RPF2: variants seen among roughly 807,000 people sequenced by gnomAD.
The protein encoded by RPF2 is ribosome production factor 2 homolog, also known as brix domain containing 1.
Under a neutral mutation model 38.9 loss-of-function variants are expected in RPF2, and 21 were observed. That is an observed-to-expected ratio of 0.54 (90% confidence interval 0.38 to 0.78). The LOEUF is 0.78. RPF2 is among the 30% of genes least tolerant of loss of function. RPF2 has a pLI of 0.00. For missense variants in RPF2, 314 were observed against 358.1 expected (o/e 0.88, Z 0.99); for synonymous variants, 121 against 126.2 (o/e 0.96, Z 0.28).
intron 3 of RPF2, among the ~76,000 whole-genome samples, chr6:110,990,570 C>CG (rs1771602593): frequency 7.1e-6 from 1 of 140,490 alleles, no homozygotes; most frequent in East Asian, 2.2e-4. Flanking sequence ...CCCCCCCCCC[C>CG]CCCACCTTTT....
At chr6:110,984,429 G>A (rs2114285144) in intron 1 of RPF2, among the ~76,000 whole-genome samples, 1 of 152,054 alleles carries the variant, frequency 6.6e-6, no homozygotes, top group South Asian at 2.1e-4. Flanking sequence ...AAAAAAGATT[G>A]GAAAGAGCAG....
chr6:110,997,267 A>G lies in RPF2; in HGVS notation c.316+3A>G. On this transcript the variant is annotated splice_donor_region_variant and intron_variant, in intron 5 of 9. Transcript: ENST00000441448. ...GCGGCCAAATAATCTAGTAATAGGTAAGTATAATTTACTTTTTAATGTTTT... is the reference window on the plus strand; with the variant it reads ...GCGGCCAAATAATCTAGTAATAGGTGAGTATAATTTACTTTTTAATGTTTT... The G allele has an allele frequency of 9.1e-6, 14 of 1,537,382 alleles. No homozygotes were observed. Among genetic ancestry groups the G allele is most frequent in the Middle Eastern group, 2.0e-4 (1 of 4,932 alleles).
intron 3 of RPF2, among the ~76,000 whole-genome samples, chr6:110,990,379 T>A (rs1041084983): frequency 1.3e-5 from 2 of 152,216 alleles, no homozygotes; most frequent in Admixed American, 6.5e-5. Context: ...GACAAGTACT[T>A]GTCAGTTATT....
At chr6:111,015,712 G>GT (rs759412599) in intron 7 of RPF2, 42 bp from the exon 8 acceptor site, 1 of 1,349,560 alleles carries the variant, frequency 7.4e-7, no homozygotes, top group Non-Finnish European at 1.1e-6. Flanking sequence ...AATTTTGCAA[G>GT]TATTTGTTTT....
At chr6:110,997,886 T>C (rs929541569) in intron 5 of RPF2, among the ~76,000 whole-genome samples, 1 of 150,742 alleles carries the variant, frequency 6.6e-6, no homozygotes, top group African/African-American at 2.4e-5. Flanking sequence ...TCTCCCTTGA[T>C]TTTTCTTTTC....
At chr6:110,993,300 G>GT (rs60974912) in intron 4 of RPF2, among the ~76,000 whole-genome samples, 115 of 150,936 alleles carry the variant, frequency 7.6e-4, no homozygotes, top group Non-Finnish European at 1.0e-3. Context: ...CCTTTTTAAT[G>GT]TTTTTTTTTC....
chr6:110,996,362 A>G (rs932892532), intron 4 of RPF2, among the ~76,000 whole-genome samples: 7 of 151,962 alleles, frequency 4.6e-5, no homozygotes, highest in African/African-American at 1.7e-4. Context: ...TATTTTTAGT[A>G]GAGACAGGGT....
chr6:111,017,739 G>A (rs1413998127), intron 8 of RPF2, among the ~76,000 whole-genome samples: 10 of 149,748 alleles, frequency 6.7e-5, no homozygotes, highest in South Asian at 2.1e-4. Flanking sequence ...CTGGGCAGCC[G>A]GGCAGAGGGG....
chr6:110,995,673 C>A (rs370601477), intron 4 of RPF2, among the ~76,000 whole-genome samples: 8 of 152,218 alleles, frequency 5.3e-5, no homozygotes, highest in African/African-American at 1.9e-4. Context: ...TAAACTGAAT[C>A]AAAGCATGCG....
At chr6:111,018,537 ATGAC>A (rs1772172503) in intron 8 of RPF2, among the ~76,000 whole-genome samples, 1 of 152,250 alleles carries the variant, frequency 6.6e-6, no homozygotes, top group Non-Finnish European at 1.5e-5. Flanking sequence ...ATGAAAATAC[ATGAC>A]TGACCAGCTT....
At position 110,997,354 on chromosome 6, in the gene RPF2, T is replaced by C. The variant is rs935663742; in HGVS notation, c.316+90T>C. The C allele has an allele frequency of 9.5e-6, 7 of 740,118 alleles. No homozygotes were observed. The African/African-American group carries it at 1.1e-4, about 11-fold the overall frequency. The allele number at this position is 740,118 out of a possible 1,614,324, so 45.8% of individuals were successfully genotyped here. ...ATACGGGTCTGCAGCAACTTGGTTC[T>C]TGCCTCTTCAGAGGAAATAATTCAT... On this transcript the variant is annotated intron_variant, in intron 5 of 9. Coordinates refer to ENST00000441448, the MANE Select transcript of RPF2 (RefSeq NM_032194.3).
chr6:111,015,062 G>A (rs970451514), intron 7 of RPF2, among the ~76,000 whole-genome samples: 2 of 152,206 alleles, frequency 1.3e-5, no homozygotes, highest in African/African-American at 4.8e-5. Context: ...ACAGGCATGA[G>A]CCACTGTGCA....
At chr6:111,023,427 C>T (rs1033832385) in intron 8 of RPF2, among the ~76,000 whole-genome samples, 17 of 152,108 alleles carry the variant, frequency 1.1e-4, no homozygotes, top group Admixed American at 1.1e-3. Flanking sequence ...ACTTGTTAAT[C>T]GTATAAACAT....
At chr6:111,001,764 G>A (rs1340658262) in intron 6 of RPF2, among the ~76,000 whole-genome samples, 1 of 152,136 alleles carries the variant, frequency 6.6e-6, no homozygotes, top group Non-Finnish European at 1.5e-5. Context: ...TTAGTGGGAG[G>A]GAGCACTGGC....
intron 8 of RPF2, among the ~76,000 whole-genome samples, chr6:111,017,613 C>T (rs1258107502): frequency 8.9e-5 from 13 of 146,712 alleles, no homozygotes; most frequent in Non-Finnish European, 1.5e-4. Flanking sequence ...ACATCCCAGA[C>T]GGGGCGGCAG....
Position 111,020,208 on chromosome 6 carries a change from G to A in RPF2, c.597-3975G>A, listed in dbSNP as rs182154221. On this transcript the variant is annotated intron_variant, in intron 8 of 9. Coordinates refer to ENST00000441448, the MANE Select transcript of RPF2 (RefSeq NM_032194.3). ...GCTGAGATTACAGGCATGAGCCACC[G>A]CGCCTGACCTGGAACACTTCTTTTT... is the stretch of plus-strand genomic sequence containing the variant. 4.6e-5 allele frequency among the ~76,000 whole-genome samples: 7 copies of A among 151,756 alleles called. No individual in the cohort carries two copies. The South Asian group carries it at 1.0e-3, about 23-fold the overall frequency.
At chr6:111,001,431 G>T (rs930617969) in intron 6 of RPF2, among the ~76,000 whole-genome samples, 5 of 151,788 alleles carry the variant, frequency 3.3e-5, no homozygotes, top group Non-Finnish European at 7.4e-5. Flanking sequence ...AGGCTGGGGC[G>T]CAGTGGCGCG....
chr6:111,008,921 A>C (rs1249708499), intron 7 of RPF2, among the ~76,000 whole-genome samples: 6 of 89,406 alleles, frequency 6.7e-5, no homozygotes, highest in Non-Finnish European at 1.3e-4. Context: ...TTTTTTAAAG[A>C]TAGAGTCTTG....
At chr6:110,984,895 T>C (rs1198357074) in intron 1 of RPF2, 111 bp from the exon 2 acceptor site, 2 of 1,174,070 alleles carry the variant, frequency 1.7e-6, no homozygotes, top group African/African-American at 3.1e-5. Context: ...TTTTTAAGGG[T>C]GGAACCCTAA....
Sources: gnomAD v4.1 joint callset for allele counts (sites outside exome capture counted in the v4.1 genomes callset) on GRCh38, gnomAD v4.1.1 for gene constraint, MANE v1.5 for transcripts, NCBI Gene and HGNC (gene_info 2026-07-23, HGNC 2026-07-21) for gene names.